Variants in PPP1R9A observed in about 807,000 individuals in gnomAD.
PPP1R9A encodes protein phosphatase 1 regulatory subunit 9A.
A neutral mutation model predicts 141.9 loss-of-function variants in PPP1R9A; 59 were observed. The observed-to-expected ratio is 0.42, with a 90% confidence interval of 0.34 to 0.52. The LOEUF (loss-of-function observed/expected upper bound fraction) is 0.52. Among genes scored for constraint, PPP1R9A ranks in the 20% least tolerant of loss-of-function variants. The pLI is 0.10. For synonymous variants in PPP1R9A, 500 were observed against 569.7 expected, an observed-to-expected ratio of 0.88 and a Z score of 1.74; for missense variants, 1,444 against 1,611.9, an observed-to-expected ratio of 0.90 and a Z score of 1.78.
chr7:95,252,634 A>G (rs1161706771), intron 12 of PPP1R9A, among the ~76,000 whole-genome samples: 1 of 151,750 alleles, frequency 6.6e-6, no homozygotes, highest in African/African-American at 2.4e-5. Context: ...CGTCTGGCTA[A>G]TTTTTGTATT....
chr7:95,138,276 G>C (rs1563295162), intron 4 of PPP1R9A, among the ~76,000 whole-genome samples: 1 of 152,134 alleles, frequency 6.6e-6, no homozygotes, highest in Non-Finnish European at 1.5e-5. Flanking sequence ...ATTGGAAAAA[G>C]TATAGCCTTT....
At chr7:95,028,979 A>AT (rs891641998) in intron 2 of PPP1R9A, among the ~76,000 whole-genome samples, 10 of 151,698 alleles carry the variant, frequency 6.6e-5, no homozygotes, top group African/African-American at 1.2e-4. Context: ...CTCAGAAGTG[A>AT]TTTTTTTTTA....
At chr7:95,045,880 G>A (rs1809937761) in intron 2 of PPP1R9A, among the ~76,000 whole-genome samples, 1 of 152,196 alleles carries the variant, frequency 6.6e-6, no homozygotes, top group Non-Finnish European at 1.5e-5. Context: ...AAATCAAATG[G>A]AGAAAATGGG....
At chr7:94,956,454 A>G (rs1480358620) in intron 2 of PPP1R9A, among the ~76,000 whole-genome samples, 1 of 152,142 alleles carries the variant, frequency 6.6e-6, no homozygotes, top group Non-Finnish European at 1.5e-5. Context: ...TTATTTTCCT[A>G]CAGTACTGAA....
At chr7:95,169,465 T>A (rs1831782019) in intron 5 of PPP1R9A, among the ~76,000 whole-genome samples, 1 of 151,728 alleles carries the variant, frequency 6.6e-6, no homozygotes, top group Non-Finnish European at 1.5e-5. Flanking sequence ...GAAATAAGAT[T>A]TAATGTTCAG....
At chr7:94,968,976 G>A (rs978091320) in intron 2 of PPP1R9A, among the ~76,000 whole-genome samples, 5 of 151,892 alleles carry the variant, frequency 3.3e-5, no homozygotes, top group African/African-American at 1.2e-4. Flanking sequence ...CTCGTGCTGT[G>A]TTTTTTAGCT....
intron 2 of PPP1R9A, among the ~76,000 whole-genome samples, chr7:94,985,811 G>T (rs945823473): frequency 6.6e-6 from 1 of 152,098 alleles, no homozygotes; most frequent in African/African-American, 2.4e-5. Context: ...TAAAAAAATG[G>T]AATCATAAAA....
intron 2 of PPP1R9A, among the ~76,000 whole-genome samples, chr7:94,926,003 A>G (rs116781409): frequency 0.011 from 1,663 of 151,352 alleles, 32 homozygotes; most frequent in African/African-American, 0.039. Context: ...TTTTTTTTCC[A>G]TTTTTGTAGA....
chr7:95,017,198 A>C (rs1805229541), intron 2 of PPP1R9A, among the ~76,000 whole-genome samples: 1 of 152,154 alleles, frequency 6.6e-6, no homozygotes, highest in Non-Finnish European at 1.5e-5. Flanking sequence ...AAGATAATAA[A>C]TTTTTGTTGT....
chr7:95,080,223 T>C (rs963282361), intron 2 of PPP1R9A, among the ~76,000 whole-genome samples: 1 of 152,212 alleles, frequency 6.6e-6, no homozygotes, highest in African/African-American at 2.4e-5. Flanking sequence ...CTTAAGCTGA[T>C]AAGCAACTTC....
At chr7:94,934,575 TATAGTC>T (rs1234437089) in intron 2 of PPP1R9A, among the ~76,000 whole-genome samples, 1 of 151,838 alleles carries the variant, frequency 6.6e-6, no homozygotes, top group Non-Finnish European at 1.5e-5. Context: ...TCAAAACAAA[TATAGTC>T]AGAAATTCAC....
intron 3 of PPP1R9A, among the ~76,000 whole-genome samples, chr7:95,113,558 A>T (rs1418338415): frequency 6.6e-6 from 1 of 152,234 alleles, no homozygotes; most frequent in Non-Finnish European, 1.5e-5. Flanking sequence ...AAGCAAATAT[A>T]CTTGCAAAGG....
intron 2 of PPP1R9A, among the ~76,000 whole-genome samples, chr7:94,964,865 G>T (rs996875607): frequency 2.6e-5 from 4 of 152,160 alleles, no homozygotes; most frequent in African/African-American, 9.7e-5. Context: ...GAGTCAAATG[G>T]TATTTCTAGT....
At chr7:94,983,479 A>G (rs1800388778) in intron 2 of PPP1R9A, among the ~76,000 whole-genome samples, 1 of 152,036 alleles carries the variant, frequency 6.6e-6, no homozygotes, top group Admixed American at 6.5e-5. Context: ...ATATTCTTCA[A>G]TTTGTTTGTG....
In PPP1R9A at chr7:95,295,695, C is replaced by T. The variant is rs1295822648; in HGVS notation, c.*5392C>T. ...TTCTTTCAGCTGTATTATTTATACA[C>T]CCAGGTTTTCTGTTAAGGATGTAAT... is the stretch of plus-strand genomic sequence containing the variant. On this transcript the variant is annotated 3_prime_UTR_variant, in exon 20 of 20. Transcript: ENST00000433360. 6.6e-6 allele frequency: 1 copy of T among 152,140 alleles called. No homozygotes were observed. Among genetic ancestry groups the T allele is most frequent in the East Asian group, 1.9e-4 (1 of 5,202 alleles). 9.4% of individuals were successfully genotyped at this position (152,140 alleles called of 1,614,324 possible).
intron 2 of PPP1R9A, among the ~76,000 whole-genome samples, chr7:94,978,294 A>T (rs944130806): frequency 6.6e-6 from 1 of 152,212 alleles, no homozygotes; most frequent in African/African-American, 2.4e-5. Context: ...CAAAAAGCCA[A>T]ATTATGGCTA....
In PPP1R9A at chr7:95,159,606, T is replaced by C. The variant is rs114387843; in HGVS notation, c.1650-2261T>C. 2.8e-3 allele frequency among the ~76,000 whole-genome samples: 421 copies of C among 152,048 alleles called. 3 individuals carry two copies. Among genetic ancestry groups the C allele is most frequent in the African/African-American group, 1.0e-2 (414 of 41,474 alleles). The stretch of plus-strand genomic sequence containing the variant: ...ACAAATAATAAATGGGCTTCAACTT[T>C]TCTGTAATGTGCTTCTTTAGAAAAA... On this transcript the variant is annotated intron_variant, in intron 4 of 19. Transcript: ENST00000433360.
chr7:95,268,720 G>T lies in PPP1R9A; in HGVS notation c.2823+13G>T. On this transcript the variant is annotated intron_variant, in intron 13 of 19. Coordinates refer to ENST00000433360, the MANE Select transcript of PPP1R9A (RefSeq NM_001166160.2). ...TCTAGAGAGAAAGGTGAGCACCCTT[G>T]ACCGTTTCCTGATTTGTACTGTTGG... The T allele has an allele frequency of 1.9e-6, 3 of 1,610,382 alleles. No homozygotes were observed. The South Asian group carries it at 3.3e-5, about 18-fold the overall frequency.
At chr7:95,218,821 G>A (rs1347803710) in intron 7 of PPP1R9A, among the ~76,000 whole-genome samples, 5 of 152,048 alleles carry the variant, frequency 3.3e-5, no homozygotes, top group Non-Finnish European at 7.3e-5. Context: ...CTTTTGCTTA[G>A]TGGATCTTCC....
Sources: gnomAD v4.1 joint callset for allele counts (sites outside exome capture counted in the v4.1 genomes callset) on GRCh38, gnomAD v4.1.1 for gene constraint, MANE v1.5 for transcripts, NCBI Gene and HGNC (gene_info 2026-07-23, HGNC 2026-07-21) for gene names.